Variants in GUCY1A2 observed in about 807,000 individuals in gnomAD.
GUCY1A2 encodes guanylate cyclase soluble subunit alpha-2.
GUCY1A2 carries 27 observed loss-of-function variants against 63.5 expected under a neutral mutation model. That is an observed-to-expected ratio of 0.43 (90% CI 0.31 to 0.59). The LOEUF is 0.59. GUCY1A2 is among the 20% of genes least tolerant of loss of function. The pLI is 0.11. For synonymous variants in GUCY1A2, 364 were observed against 343.5 expected (o/e 1.06, Z -0.66); for missense variants, 768 against 913.3 (o/e 0.84, Z 2.05).
chr11:106,776,246 T>C (rs926757943), intron 6 of GUCY1A2, among the ~76,000 whole-genome samples, 193 bp downstream of exon 6: 2 of 152,166 alleles, frequency 1.3e-5, no homozygotes, highest in Admixed American at 6.5e-5. Context: ...CCACAAACCA[T>C]TTCCTATCTT....
chr11:106,703,722 A>G (rs1375046537), intron 7 of GUCY1A2, among the ~76,000 whole-genome samples: 2 of 152,148 alleles, frequency 1.3e-5, no homozygotes, highest in African/African-American at 4.8e-5. Context: ...GTTGAAGCCA[A>G]CAGTAAGTAA....
chr11:106,988,772 A>G (rs1861434724), intron 1 of GUCY1A2, among the ~76,000 whole-genome samples: 1 of 152,206 alleles, frequency 6.6e-6, no homozygotes, highest in Non-Finnish European at 1.5e-5. Context: ...AACTTCAGCA[A>G]TCCAAGACTG....
intron 7 of GUCY1A2, among the ~76,000 whole-genome samples, chr11:106,690,422 C>T (rs1862603147): frequency 6.6e-6 from 1 of 152,084 alleles, no homozygotes; most frequent in African/African-American, 2.4e-5. Context: ...AATGCAGGAA[C>T]AGAAAACCAA....
intron 4 of GUCY1A2, among the ~76,000 whole-genome samples, chr11:106,862,618 T>C (rs1052555770): frequency 6.6e-6 from 1 of 152,056 alleles, no homozygotes; most frequent in Non-Finnish European, 1.5e-5. Context: ...AGAGTGATAA[T>C]TGCTGTCTTC....
chr11:106,841,959 T>G (rs1242827185), intron 4 of GUCY1A2, among the ~76,000 whole-genome samples: 1 of 151,930 alleles, frequency 6.6e-6, no homozygotes, highest in Non-Finnish European at 1.5e-5. Context: ...TGTACCCTGC[T>G]CTGTACCCCA....
chr11:106,711,226 G>A (rs1863112694), intron 6 of GUCY1A2, among the ~76,000 whole-genome samples: 1 of 152,088 alleles, frequency 6.6e-6, no homozygotes. Context: ...GTAGGTGCTA[G>A]ATTTATAAAA....
chr11:106,855,852 T>C (rs1415170149), intron 4 of GUCY1A2, among the ~76,000 whole-genome samples: 3 of 152,010 alleles, frequency 2.0e-5, no homozygotes, highest in African/African-American at 7.2e-5. Context: ...GTATTAGTCC[T>C]TCATAGTTCA....
intron 6 of GUCY1A2, among the ~76,000 whole-genome samples, chr11:106,773,946 A>T (rs1864304590): frequency 6.6e-6 from 1 of 152,100 alleles, no homozygotes; most frequent in Non-Finnish European, 1.5e-5. Context: ...ACTTGTCAAA[A>T]TTTTCTAATG....
At chr11:106,978,518 A>G (rs932362110) in intron 3 of GUCY1A2, 101 bp downstream of exon 3, 33 of 728,718 alleles carry the variant, frequency 4.5e-5, no homozygotes, top group Non-Finnish European at 6.6e-5. Context: ...AACTTGCCAT[A>G]TTCTCCACAT....
intron 4 of GUCY1A2, chr11:106,826,477 T>G: frequency 2.5e-6 from 4 of 1,596,894 alleles, no homozygotes; most frequent in Non-Finnish European, 3.4e-6. Context: ...TAAGATTAGG[T>G]TTTCAAATGT....
intron 4 of GUCY1A2, among the ~76,000 whole-genome samples, chr11:106,887,886 T>C (rs553444498): frequency 4.6e-5 from 7 of 152,314 alleles, no homozygotes; most frequent in Admixed American, 3.9e-4. Context: ...ATTCCAGCCT[T>C]ATATTCCCAT....
chr11:106,956,987 T>C (rs1197653131), intron 3 of GUCY1A2, among the ~76,000 whole-genome samples: 5 of 152,218 alleles, frequency 3.3e-5, no homozygotes, highest in Middle Eastern at 3.4e-3. Context: ...GCTGGAGTTA[T>C]TGGAGATCCT....
chr11:106,796,575 T>A (rs1341567632), intron 5 of GUCY1A2, among the ~76,000 whole-genome samples: 5 of 152,182 alleles, frequency 3.3e-5, no homozygotes, highest in Non-Finnish European at 5.9e-5. Flanking sequence ...TTGAAAATTC[T>A]TTTCTTTAAG....
At chr11:106,752,496 T>C (rs1863898538) in intron 6 of GUCY1A2, among the ~76,000 whole-genome samples, 7 of 152,212 alleles carry the variant, frequency 4.6e-5, no homozygotes, top group Admixed American at 4.6e-4. Flanking sequence ...TTTCTCCTAA[T>C]GCTATCCTTC....
chr11:106,902,716 T>C (rs1246443519), intron 4 of GUCY1A2, among the ~76,000 whole-genome samples: 1 of 152,224 alleles, frequency 6.6e-6, no homozygotes, highest in Non-Finnish European at 1.5e-5. Flanking sequence ...AAATATTTTT[T>C]AAAAACCTGT....
intron 4 of GUCY1A2, among the ~76,000 whole-genome samples, chr11:106,842,936 A>AT (rs759040512): frequency 2.5e-4 from 38 of 151,908 alleles, no homozygotes; most frequent in Middle Eastern, 3.2e-3. Flanking sequence ...AAGGATGGGA[A>AT]TGGCTGAAAG....
At chr11:106,949,085 C>A (rs972169088) in intron 3 of GUCY1A2, among the ~76,000 whole-genome samples, 3 of 151,890 alleles carry the variant, frequency 2.0e-5, no homozygotes, top group African/African-American at 7.3e-5. Context: ...AATAAAATTA[C>A]GATTGTGTGT....
intron 4 of GUCY1A2, among the ~76,000 whole-genome samples, chr11:106,896,792 C>A (rs1248245404): frequency 6.6e-6 from 1 of 152,184 alleles, no homozygotes; most frequent in African/African-American, 2.4e-5. Context: ...TTGAATTTCC[C>A]AGCCTCCAAA....
At chr11:106,749,470 C>G (rs1863848006) in intron 6 of GUCY1A2, among the ~76,000 whole-genome samples, 2 of 152,048 alleles carry the variant, frequency 1.3e-5, no homozygotes, top group African/African-American at 4.8e-5. Flanking sequence ...CCTCTGAGTT[C>G]AGCCATAGCT....
Sources: gnomAD v4.1 joint callset for allele counts (sites outside exome capture counted in the v4.1 genomes callset) on GRCh38, gnomAD v4.1.1 for gene constraint, MANE v1.5 for transcripts, NCBI Gene and HGNC (gene_info 2026-07-23, HGNC 2026-07-21) for gene names.